The following RARB variants were observed in gnomAD, a reference collection of about 807,000 sequenced individuals.
RARB encodes HBV-activated protein.
RARB carries 17 observed loss-of-function variants against 51.9 expected under a neutral mutation model. That is an observed-to-expected ratio of 0.33 (90% CI 0.22 to 0.49). RARB has a LOEUF of 0.49. RARB is among the 20% of genes least tolerant of loss of function. The pLI is 0.99. For missense variants in RARB, 369 were observed against 550.8 expected (o/e 0.67, Z 3.30); for synonymous variants, 215 against 195.4 (o/e 1.10, Z -0.84).
chr3:25,238,952 C>T (rs574391197), intron 5 of RARB, among the ~76,000 whole-genome samples: 6 of 150,944 alleles, frequency 4.0e-5, no homozygotes, highest in South Asian at 4.3e-4. Context: ...GCACTCCAGC[C>T]GGGGCAGCAG....
intron 1 of RARB, among the ~76,000 whole-genome samples, chr3:24,831,650 G>A (rs1483984362): frequency 6.6e-6 from 1 of 151,712 alleles, no homozygotes; most frequent in Non-Finnish European, 1.5e-5. Context: ...TGGTGGGGGG[G>A]AACTAGTAGG....
chr3:25,252,585 C>T (rs900527510), intron 5 of RARB, among the ~76,000 whole-genome samples: 1 of 152,140 alleles, frequency 6.6e-6, no homozygotes, highest in Non-Finnish European at 1.5e-5. Flanking sequence ...TTATTCCGAA[C>T]TATTTTATTG....
intron 5 of RARB, among the ~76,000 whole-genome samples, chr3:25,260,634 G>T (rs1702976149): frequency 6.6e-6 from 1 of 152,050 alleles, no homozygotes; most frequent in East Asian, 1.9e-4. Context: ...CTGCCCACTA[G>T]AGGAAAAGGG....
chr3:25,262,461 T>C lies in RARB; in HGVS notation c.178+87886T>C, dbSNP rs375437374. 3.3e-4 allele frequency among the ~76,000 whole-genome samples: 50 copies of C among 152,306 alleles called. No homozygotes were observed. The East Asian group carries it at 4.8e-3, about 15-fold the overall frequency. On this transcript the variant is annotated intron_variant, in intron 5 of 11. Transcript: ENST00000383772. ...TGTCTGAAATCTAATATGGATCTCA[T>C]TGGGCTAACGTCAAAGCATCAGCAG...
At chr3:25,213,818 T>G (rs1182578196) in intron 5 of RARB, among the ~76,000 whole-genome samples, 2 of 152,210 alleles carry the variant, frequency 1.3e-5, no homozygotes, top group Non-Finnish European at 2.9e-5. Flanking sequence ...GGAGGGCACC[T>G]TCCATAATGT....
intron 5 of RARB, among the ~76,000 whole-genome samples, chr3:25,227,984 A>G (rs565201360): frequency 1.3e-5 from 2 of 152,136 alleles, no homozygotes; most frequent in African/African-American, 2.4e-5. Flanking sequence ...TTGGGAGTCA[A>G]TGTCGCTATG....
At chr3:25,222,444 G>C (rs968993682) in intron 5 of RARB, among the ~76,000 whole-genome samples, 3 of 152,036 alleles carry the variant, frequency 2.0e-5, no homozygotes, top group Non-Finnish European at 4.4e-5. Context: ...TTAAGAGTCA[G>C]TTTCATAGTT....
chr3:24,962,614 G>A (rs1235521852), intron 2 of RARB, among the ~76,000 whole-genome samples: 1 of 152,188 alleles, frequency 6.6e-6, no homozygotes, highest in Non-Finnish European at 1.5e-5. Context: ...TGTCAGATCA[G>A]TGGTGGCATT....
chr3:24,911,890 G>C (rs2125379761), intron 2 of RARB, among the ~76,000 whole-genome samples: 1 of 152,300 alleles, frequency 6.6e-6, no homozygotes, highest in South Asian at 2.1e-4. Context: ...AGCATCTTGT[G>C]ATATTCTCTC....
intron 1 of RARB, among the ~76,000 whole-genome samples, chr3:25,451,874 G>A (rs1017596677): frequency 1.4e-4 from 22 of 152,132 alleles, no homozygotes; most frequent in African/African-American, 4.8e-4. Context: ...CAGGAAATTC[G>A]ATCAGATAAA....
At chr3:25,243,543 C>A (rs551456045) in intron 5 of RARB, among the ~76,000 whole-genome samples, 2 of 152,198 alleles carry the variant, frequency 1.3e-5, no homozygotes, top group South Asian at 4.2e-4. Context: ...TATCAAAGAC[C>A]TTTTCTGCAT....
intron 2 of RARB, among the ~76,000 whole-genome samples, chr3:24,975,397 T>A (rs917139948): frequency 6.6e-6 from 1 of 152,150 alleles, no homozygotes; most frequent in Admixed American, 6.6e-5. Flanking sequence ...TGGGGATGCA[T>A]GTGAAAAGAG....
chr3:25,496,591 C>T (rs1296508284), intron 2 of RARB, among the ~76,000 whole-genome samples: 2 of 152,246 alleles, frequency 1.3e-5, no homozygotes, highest in Non-Finnish European at 2.9e-5. Context: ...CACAGGTTGG[C>T]ATTCCCCCAT....
Position 25,374,456 on chromosome 3 carries a change from A to G in RARB, c.179-86737A>G, listed in dbSNP as rs535559116. 9.2e-5 allele frequency among the ~76,000 whole-genome samples: 14 copies of G among 152,302 alleles called. No individual in the cohort carries two copies. The South Asian group carries it at 2.7e-3, about 29-fold the overall frequency. On this transcript the variant is annotated intron_variant, in intron 5 of 11. Transcript: ENST00000383772. ...ATACCAGCAATAGTAAGGCTTTATT[A>G]TCATGCCTAGCTTGAAGGGTGAAGG...
At chr3:25,129,053 A>G (rs762751296) in intron 3 of RARB, among the ~76,000 whole-genome samples, 1 of 152,146 alleles carries the variant, frequency 6.6e-6, no homozygotes, top group Non-Finnish European at 1.5e-5. Context: ...TAGAAAAAAT[A>G]GTGTTTAACC....
chr3:25,108,054 C>T (rs532437830), intron 3 of RARB, among the ~76,000 whole-genome samples: 23 of 152,134 alleles, frequency 1.5e-4, no homozygotes, highest in South Asian at 1.5e-3. Flanking sequence ...ATCTGATCAC[C>T]GAGCTCTATT....
intron 3 of RARB, among the ~76,000 whole-genome samples, chr3:25,561,921 C>T (rs1403525231): frequency 2.0e-5 from 3 of 152,262 alleles, no homozygotes; most frequent in Non-Finnish European, 4.4e-5. Context: ...TGCCCTCCTG[C>T]CCTTCATCAG....
At chr3:25,181,798 G>C (rs1008211623) in intron 5 of RARB, among the ~76,000 whole-genome samples, 1 of 151,948 alleles carries the variant, frequency 6.6e-6, no homozygotes, top group African/African-American at 2.4e-5. Flanking sequence ...GTTCTGTTGG[G>C]AACTCTTCTG....
chr3:25,139,718 G>A (rs1056133031), intron 4 of RARB, among the ~76,000 whole-genome samples: 7 of 152,104 alleles, frequency 4.6e-5, no homozygotes, highest in Non-Finnish European at 1.0e-4. Context: ...TCTATGTAGA[G>A]GAAACAACCT....
Sources: gnomAD v4.1 joint callset for allele counts (sites outside exome capture counted in the v4.1 genomes callset) on GRCh38, gnomAD v4.1.1 for gene constraint, MANE v1.5 for transcripts, NCBI Gene and HGNC (gene_info 2026-07-23, HGNC 2026-07-21) for gene names.